The following FPR3 variants were observed in gnomAD, a reference collection of about 807,000 sequenced individuals.
FPR3 encodes formyl peptide receptor 3, also known as N-formyl peptide receptor 3.
For synonymous variants in FPR3, 135 were observed against 163.6 expected (o/e 0.83, Z 1.34); for missense variants, 346 against 443.2 (o/e 0.78, Z 1.97).
chr19:51,818,269 C>CT (rs2084158410), intron 1 of FPR3, among the ~76,000 whole-genome samples: 1 of 152,148 alleles, frequency 6.6e-6, no homozygotes, highest in Non-Finnish European at 1.5e-5. Flanking sequence ...CAATGATACC[C>CT]TTTTTGATAT....
In FPR3 at chr19:51,795,248, C is replaced by G. The variant is rs1440061394; in HGVS notation, c.-94C>G. 1 of 152,120 alleles carries G rather than the reference C, an allele frequency of 6.6e-6. No homozygotes were observed. The highest frequency in any genetic ancestry group is 1.9e-4 in the East Asian group (1 of 5,186). The allele number at this position is 152,120 out of a possible 1,614,324, so 9.4% of individuals were successfully genotyped here. ...TAAGATCTTAAAACCAAACATATAA[C>G]TTCATCTTTTTACAAGTACTTAGAG... On this transcript the variant is annotated 5_prime_UTR_variant, in exon 1 of 2. Coordinates refer to ENST00000339223, the MANE Select transcript of FPR3 (RefSeq NM_002030.5).
chr19:51,814,870 C>T lies in FPR3; in HGVS notation c.-10-8869C>T, dbSNP rs560258963. Among the ~76,000 whole-genome samples the T allele has an allele frequency of 1.1e-4, 17 of 150,258 alleles. No homozygotes were observed. In the South Asian group the frequency reaches 3.4e-3, roughly 30 times the overall value. On this transcript the variant is annotated intron_variant, in intron 1 of 1. Transcript: ENST00000339223. ...TGTCCCACAGGCTGGAGTGCAGTGG[C>T]GCCATCTCAGCTCACTGCAACCTCC...
chr19:51,811,957 A>T (rs1390274656), intron 1 of FPR3, among the ~76,000 whole-genome samples: 1 of 152,128 alleles, frequency 6.6e-6, no homozygotes, highest in Non-Finnish European at 1.5e-5. Context: ...CACTAAATGT[A>T]CTCACTTTGC....
chr19:51,819,434 C>T (rs2084171260), intron 1 of FPR3, among the ~76,000 whole-genome samples: 2 of 152,088 alleles, frequency 1.3e-5, no homozygotes, highest in Admixed American at 6.5e-5. Flanking sequence ...AAAGAGGTGG[C>T]CAATTGAGCT....
chr19:51,825,649 C>G lies in FPR3; in HGVS notation c.*839C>G, dbSNP rs1465499048. 1 of 167,138 alleles carries G rather than the reference C, an allele frequency of 6.0e-6. No homozygotes were observed. Among genetic ancestry groups the G allele is most frequent in the Non-Finnish European group, 1.5e-5 (1 of 68,142 alleles). The allele number at this position is 167,138 out of a possible 1,614,324, so 10.4% of individuals were successfully genotyped here. ...ACATCTTAATACCAGATACCCTAAT[C>G]CCAGTCCTAACTTCATTTAACCTTG... On this transcript the variant is annotated 3_prime_UTR_variant, in exon 2 of 2. Coordinates refer to ENST00000339223, the MANE Select transcript of FPR3 (RefSeq NM_002030.5).
intron 1 of FPR3, among the ~76,000 whole-genome samples, chr19:51,799,545 C>T (rs1332621531): frequency 6.6e-6 from 1 of 152,230 alleles, no homozygotes; most frequent in African/African-American, 2.4e-5. Flanking sequence ...CTGCATCAGA[C>T]AGCCCAGTCG....
intron 1 of FPR3, among the ~76,000 whole-genome samples, chr19:51,820,540 G>C (rs2084180650): frequency 1.3e-5 from 2 of 152,130 alleles, no homozygotes; most frequent in South Asian, 4.1e-4. Context: ...TGTCTTGTTG[G>C]CCTGTCCCCA....
Position 51,811,518 on chromosome 19 carries a change from T to A in FPR3, c.-10-12221T>A, listed in dbSNP as rs554608477. On this transcript the variant is annotated intron_variant, in intron 1 of 1. Coordinates refer to ENST00000339223, the MANE Select transcript of FPR3 (RefSeq NM_002030.5). ...ACTCATCCCAGGGTCCCCATTTGCG[T>A]TGTCAATTTCAGTTCCTCTATTCCA... 6.6e-5 allele frequency: 10 copies of A among 152,338 alleles called. No individual in the cohort carries two copies. In the East Asian group the frequency reaches 1.7e-3, roughly 26 times the overall value. 9.4% of individuals were successfully genotyped at this position (152,338 alleles called of 1,614,324 possible).
intron 1 of FPR3, among the ~76,000 whole-genome samples, chr19:51,804,431 G>T (rs1472517226): frequency 6.6e-6 from 1 of 152,014 alleles, no homozygotes; most frequent in African/African-American, 2.4e-5. Context: ...TGTAAACATA[G>T]GACAAATAGG....
intron 1 of FPR3, among the ~76,000 whole-genome samples, chr19:51,815,690 G>A (rs764004585): frequency 4.6e-5 from 7 of 151,528 alleles, no homozygotes; most frequent in Non-Finnish European, 8.8e-5. Flanking sequence ...GATACATGGC[G>A]AAACCCTGTT....
intron 1 of FPR3, among the ~76,000 whole-genome samples, chr19:51,812,748 A>T (rs1390122483): frequency 6.6e-6 from 1 of 152,216 alleles, no homozygotes; most frequent in African/African-American, 2.4e-5. Context: ...CTTGATACAC[A>T]CATTACAGTC....
chr19:51,802,260 G>C (rs1478202332), intron 1 of FPR3, among the ~76,000 whole-genome samples: 2 of 152,082 alleles, frequency 1.3e-5, no homozygotes, highest in Non-Finnish European at 2.9e-5. Context: ...CAGACGGGCT[G>C]TTGAGGGCTG....
At chr19:51,821,350 G>A (rs1015060464) in intron 1 of FPR3, among the ~76,000 whole-genome samples, 5 of 152,178 alleles carry the variant, frequency 3.3e-5, no homozygotes, top group Non-Finnish European at 4.4e-5. Context: ...TGCCTCCCAC[G>A]GGACCTTTGA....
intron 1 of FPR3, among the ~76,000 whole-genome samples, chr19:51,821,276 C>CT: frequency 6.6e-6 from 1 of 152,324 alleles, no homozygotes; most frequent in Admixed American, 6.5e-5. Flanking sequence ...GAGTAGCGAT[C>CT]TAACTGACCC....
At chr19:51,802,129 C>T (rs913007685) in intron 1 of FPR3, among the ~76,000 whole-genome samples, 2 of 151,764 alleles carry the variant, frequency 1.3e-5, no homozygotes, top group East Asian at 1.9e-4. Flanking sequence ...TATATAAAAC[C>T]GAATTAATAA....
At chr19:51,802,752 T>G (rs944139875) in intron 1 of FPR3, among the ~76,000 whole-genome samples, 2 of 152,264 alleles carry the variant, frequency 1.3e-5, no homozygotes, top group Non-Finnish European at 2.9e-5. Flanking sequence ...GTGTCTTCTA[T>G]TCTTACTTTT....
intron 1 of FPR3, among the ~76,000 whole-genome samples, chr19:51,821,140 C>T (rs747095450): frequency 6.6e-6 from 1 of 152,212 alleles, no homozygotes; most frequent in East Asian, 1.9e-4. Context: ...CATGTCCAGT[C>T]TCACTTAATC....
rs1599842949 is a variant in FPR3, at chr19:51,824,870, T to A, written c.*60T>A. 8.3e-6 allele frequency: 11 copies of A among 1,320,590 alleles called. No individual in the cohort carries two copies. The highest frequency in any genetic ancestry group is 7.2e-5 in the South Asian group (5 of 69,120). The allele number at this position is 1,320,590 out of a possible 1,614,324, so 81.8% of individuals were successfully genotyped here. ...CCCTGCGTTAAGCGGAAAAAAAAAA[T>A]TCTGACAGTGTTTTTCTTCCTCTTT... On this transcript the variant is annotated 3_prime_UTR_variant, in exon 2 of 2. Transcript: ENST00000339223. The surrounding 1 kb of genome is among the most constrained non-coding windows in gnomAD (Gnocchi z 4.7).
At chr19:51,807,202 G>A (rs2084065276) in intron 1 of FPR3, among the ~76,000 whole-genome samples, 1 of 137,862 alleles carries the variant, frequency 7.3e-6, no homozygotes, top group Non-Finnish European at 1.5e-5. Flanking sequence ...TCAGGCAAAA[G>A]AGATAGCAGG....
Sources: gnomAD v4.1 joint callset for allele counts (sites outside exome capture counted in the v4.1 genomes callset) on GRCh38, gnomAD v4.1.1 for gene constraint, Gnocchi (gnomAD v3.1) non-coding constraint, MANE v1.5 for transcripts, NCBI Gene and HGNC (gene_info 2026-07-23, HGNC 2026-07-21) for gene names.